TNIP1: variants seen among roughly 807,000 people sequenced by gnomAD.
The protein encoded by TNIP1 is TNFAIP3-interacting protein 1.
Under a neutral mutation model 86.6 loss-of-function variants are expected in TNIP1, and 22 were observed. The ratio of observed to expected loss-of-function variants is 0.25; its 90% confidence interval spans 0.18 to 0.36. The LOEUF (loss-of-function observed/expected upper bound fraction) is 0.36, where lower values mean the gene tolerates loss of function less well. TNIP1 is among the 10% of genes least tolerant of loss of function. TNIP1 has a pLI of 1.00. For missense variants in TNIP1, 709 were observed against 820.6 expected (o/e 0.86, Z 1.66); for synonymous variants, 294 against 313.0 (o/e 0.94, Z 0.64).
Position 151,079,771 on chromosome 5 carries a change from T to G in TNIP1, c.-37+1109A>C, listed in dbSNP as rs186461435. Among the ~76,000 whole-genome samples the G allele has an allele frequency of 5.3e-5, 8 of 152,332 alleles. No individual in the cohort carries two copies. The East Asian group carries it at 1.5e-3, about 29-fold the overall frequency. On this transcript the variant is annotated intron_variant, in intron 1 of 17. Transcript: ENST00000521591. ...CGGGGATGCTGAGTTTGTACTAATA[T>G]TCTACCCTCCTAATACAATTCTACC...
At chr5:151,064,264 G>A (rs753135132) in intron 2 of TNIP1, among the ~76,000 whole-genome samples, 1 of 152,236 alleles carries the variant, frequency 6.6e-6, no homozygotes, top group East Asian at 1.9e-4. Context: ...TGCCAAGCAA[G>A]GAGAAAGCAT....
At position 151,060,296 on chromosome 5, in the gene TNIP1, G is replaced by A. The variant is rs201398098; in HGVS notation, c.435+22C>T. On this transcript the variant is annotated intron_variant, in intron 5 of 17. Transcript: ENST00000521591. ...ACAAAGAGGGCAGCAGGTCAAGCCC[G>A]GGGTCCTGCCCGTCCACTCACCATC... The A allele has an allele frequency of 1.4e-4, 232 of 1,613,378 alleles. 1 individual carries two copies. In the Admixed American group the frequency reaches 1.8e-3, roughly 13 times the overall value.
chr5:151,052,949 A>G (rs1333915857), intron 6 of TNIP1, among the ~76,000 whole-genome samples: 1 of 152,132 alleles, frequency 6.6e-6, no homozygotes, highest in African/African-American at 2.4e-5. Flanking sequence ...GCTGAAAGGC[A>G]CACCAATTTG....
intron 17 of TNIP1, 142 bp from the exon 18 acceptor site, chr5:151,030,889 A>G (rs1561794442): frequency 1.6e-6 from 1 of 635,444 alleles, no homozygotes; most frequent in Non-Finnish European, 2.8e-6. Context: ...AAGTACCTTA[A>G]GTACGCTGGT....
In TNIP1 at chr5:151,065,083, C is replaced by T; in HGVS notation, c.13G>A (p.Gly5Arg). ...CCAGGGTCGTAGATCCGGTACGGTCCTCTCCCTTCCATGAGGGTAGCTCAG... is the reference window on the plus strand; with the variant it reads ...CCAGGGTCGTAGATCCGGTACGGTCTTCTCCCTTCCATGAGGGTAGCTCAG... The part of the protein sequence containing the change: MEGR[G>R]PYRIYDPGGS... Residue 5 changes from glycine to arginine, a missense_variant, in exon 2 of 18, where the codon GGA becomes AGA. Physicochemically the swap from Gly to Arg is moderately radical, Grantham distance 125 (BLOSUM62 -2). Coordinates refer to ENST00000521591, the MANE Select transcript of TNIP1 (RefSeq NM_006058.5). 6.2e-7 allele frequency: 1 copy of T among 1,613,704 alleles called. No homozygotes were observed. The highest frequency in any genetic ancestry group is 8.5e-7 in the Non-Finnish European group (1 of 1,179,972).
intron 1 of TNIP1, chr5:151,087,027 C>T (rs1764303975): frequency 6.6e-6 from 1 of 152,522 alleles, no homozygotes; most frequent in African/African-American, 2.4e-5. Context: ...CCCCAGCACC[C>T]TTGTGCGGTG....
At chr5:151,054,905 C>T (rs1427335575) in intron 6 of TNIP1, among the ~76,000 whole-genome samples, 1 of 152,186 alleles carries the variant, frequency 6.6e-6, no homozygotes, top group Non-Finnish European at 1.5e-5. Context: ...ACAGAATGGC[C>T]TGCTCCTAGT....
chr5:151,035,516 C>A (rs913044438), intron 14 of TNIP1, 66 bp downstream of exon 14: 7 of 1,611,360 alleles, frequency 4.3e-6, no homozygotes, highest in Non-Finnish European at 5.1e-6. Flanking sequence ...CCAGGGCCCT[C>A]CAATCCATGC....
intron 1 of TNIP1, among the ~76,000 whole-genome samples, chr5:151,067,897 C>A (rs1217991809): frequency 6.6e-6 from 1 of 152,186 alleles, no homozygotes; most frequent in Non-Finnish European, 1.5e-5. Flanking sequence ...AGCCATGCTC[C>A]CTCAGAGAGG....
At chr5:151,060,185 C>T in intron 5 of TNIP1, 133 bp downstream of exon 5, 2 of 862,346 alleles carry the variant, frequency 2.3e-6, no homozygotes, top group East Asian at 2.6e-5. Flanking sequence ...TTTGCTCCTG[C>T]CCCTCGTGTA....
chr5:151,049,040 C>T (rs1561836138), intron 8 of TNIP1, among the ~76,000 whole-genome samples: 1 of 152,186 alleles, frequency 6.6e-6, no homozygotes, highest in Non-Finnish European at 1.5e-5. Flanking sequence ...TTTGCATGTC[C>T]TGGGTAAACT....
chr5:151,078,813 A>G (rs1763676963), intron 1 of TNIP1, among the ~76,000 whole-genome samples: 1 of 152,224 alleles, frequency 6.6e-6, no homozygotes, highest in African/African-American at 2.4e-5. Context: ...TGACCAAATC[A>G]CAGCGGGTAC....
At chr5:151,062,057 T>C (rs1479533255) in intron 4 of TNIP1, 70 bp downstream of exon 4, 8 of 1,393,284 alleles carry the variant, frequency 5.7e-6, no homozygotes, top group Non-Finnish European at 8.1e-6. Flanking sequence ...TTCTTCATGT[T>C]CTTGTATCTG....
intron 3 of TNIP1, among the ~76,000 whole-genome samples, 182 bp from the exon 4 acceptor site, chr5:151,062,394 C>T (rs780771649): frequency 6.6e-6 from 1 of 152,182 alleles, no homozygotes; most frequent in African/African-American, 2.4e-5. Flanking sequence ...CCTGGAGTGA[C>T]GGGGCAGAGC....
chr5:151,072,564 C>A (rs961512697), intron 1 of TNIP1, among the ~76,000 whole-genome samples: 2 of 152,224 alleles, frequency 1.3e-5, no homozygotes, highest in African/African-American at 4.8e-5. Context: ...CCTCTGTGGT[C>A]CCCTGGAATA....
intron 10 of TNIP1, 61 bp downstream of exon 10, chr5:151,042,835 A>G (rs1188725870): frequency 6.2e-7 from 1 of 1,608,806 alleles, no homozygotes; most frequent in Non-Finnish European, 8.5e-7. Flanking sequence ...AAAGCTGCTA[A>G]AGAGGCAGCG....
chr5:151,080,201 A>G (rs1417027139), intron 1 of TNIP1: 2 of 152,266 alleles, frequency 1.3e-5, no homozygotes. Context: ...CTGGAAACTC[A>G]TCCATCCTGC....
intron 7 of TNIP1, among the ~76,000 whole-genome samples, chr5:151,051,910 G>C (rs1759975296): frequency 1.3e-5 from 2 of 151,468 alleles, no homozygotes; most frequent in South Asian, 4.1e-4. Flanking sequence ...TGCTGGAGGA[G>C]GAAGGAAGTA....
At chr5:151,084,732 G>C (rs541269225), upstream of TNIP1, among the ~76,000 whole-genome samples, 117 of 152,304 alleles carry the variant, frequency 7.7e-4, 1 homozygote, top group South Asian at 0.023. Flanking sequence ...CTCGGGAGCA[G>C]CTAATGAACT....
Sources: gnomAD v4.1 joint callset for allele counts (sites outside exome capture counted in the v4.1 genomes callset) on GRCh38, gnomAD v4.1.1 for gene constraint, MANE v1.5 for transcripts, NCBI Gene and HGNC (gene_info 2026-07-23, HGNC 2026-07-21) for gene names.